The following ZDHHC21 variants were observed in gnomAD, a reference collection of about 807,000 sequenced individuals.
The protein encoded by ZDHHC21 is zDHHC palmitoyltransferase 21.
In ZDHHC21, 15 loss-of-function variants were observed where a neutral mutation model predicts 34.6. The observed-to-expected ratio is 0.43, with a 90% CI of 0.29 to 0.67. The LOEUF is 0.67. Among genes scored for constraint, ZDHHC21 ranks in the 30% least tolerant of loss-of-function variants. ZDHHC21 has a pLI of 0.14. For synonymous variants in ZDHHC21, 142 were observed against 101.8 expected, an observed-to-expected ratio of 1.40 and a Z score of -2.38; for missense variants, 344 against 327.7, an observed-to-expected ratio of 1.05 and a Z score of -0.38.
chr9:14,621,028 T>C (rs2133442358), intron 8 of ZDHHC21, among the ~76,000 whole-genome samples: 1 of 152,148 alleles, frequency 6.6e-6, no homozygotes, highest in Non-Finnish European at 1.5e-5. Context: ...GATTAGGGTC[T>C]TAGAGGAAAT....
the ZDHHC21 span, among the ~76,000 whole-genome samples, chr9:14,597,050 C>G: frequency 6.6e-6 from 1 of 152,168 alleles, no homozygotes; most frequent in Non-Finnish European, 1.5e-5. Flanking sequence ...CAATCTTAGC[C>G]AAGGTAGAGC....
Position 14,622,423 on chromosome 9 carries a change from T to C in ZDHHC21, c.622-2741A>G, listed in dbSNP as rs559492689. Reference sequence around the variant, plus strand: ...TACCTGGAATGGGGGGGCGGGGAAGTTCCTAAGAGAAAAGGAGAAAGAGAT... The same window carrying C: ...TACCTGGAATGGGGGGGCGGGGAAGCTCCTAAGAGAAAAGGAGAAAGAGAT... On this transcript the variant is annotated intron_variant, in intron 8 of 9. Transcript: ENST00000380916. The C allele has an allele frequency of 3.7e-5, 21 of 567,628 alleles. No homozygotes were observed. In the African/African-American group the frequency reaches 4.3e-4, roughly 12 times the overall value. The allele number at this position is 567,628 out of a possible 1,614,324, so 35.2% of individuals were successfully genotyped here. A position where few individuals can be genotyped will look rare whatever the true frequency, so the allele number is the denominator to read the frequency against.
chr9:14,671,980 T>C (rs1453294923), intron 5 of ZDHHC21, among the ~76,000 whole-genome samples: 2 of 152,152 alleles, frequency 1.3e-5, no homozygotes, highest in African/African-American at 4.8e-5. Flanking sequence ...CATTTGACTG[T>C]TTCATCTATA....
At chr9:14,592,367 T>C in the ZDHHC21 span, among the ~76,000 whole-genome samples, 3 of 152,032 alleles carry the variant, frequency 2.0e-5, no homozygotes. Flanking sequence ...TATATATATT[T>C]ATACATATTT....
At chr9:14,686,916 T>C (rs2131674258) in intron 2 of ZDHHC21, among the ~76,000 whole-genome samples, 1 of 148,736 alleles carries the variant, frequency 6.7e-6, no homozygotes, top group Non-Finnish European at 1.5e-5. Context: ...GAGGTTGCAG[T>C]GAGCAGAGAC....
chr9:14,664,323 C>G (rs905764984), intron 5 of ZDHHC21, among the ~76,000 whole-genome samples: 1 of 152,092 alleles, frequency 6.6e-6, no homozygotes, highest in African/African-American at 2.4e-5. Context: ...CGGCGCACCA[C>G]GAGACTATAT....
Position 14,667,533 on chromosome 9 carries a change from C to T in ZDHHC21, c.254-5207G>A, listed in dbSNP as rs1188304410. ...GCATCATTCTGATACCAAAGCCGGGCAGAGACACAACCAAAAAAGAGAATT... is the reference window on the plus strand; with the variant it reads ...GCATCATTCTGATACCAAAGCCGGGTAGAGACACAACCAAAAAAGAGAATT... On this transcript the variant is annotated intron_variant, in intron 5 of 9. Transcript: ENST00000380916. 1.6e-4 allele frequency among the ~76,000 whole-genome samples: 21 copies of T among 133,268 alleles called. No individual in the cohort carries two copies. In the East Asian group the frequency reaches 2.1e-3, roughly 13 times the overall value. The allele number at this position is 133,268 out of a possible 152,430, so 87.4% of individuals were successfully genotyped here.
At chr9:14,665,602 G>C (rs1186951703) in intron 5 of ZDHHC21, among the ~76,000 whole-genome samples, 1 of 146,690 alleles carries the variant, frequency 6.8e-6, no homozygotes, top group Non-Finnish European at 1.5e-5. Context: ...CAGAGAGAAA[G>C]GTCGGGTTAC....
At chr9:14,690,572 T>C (rs1839017068) in intron 1 of ZDHHC21, among the ~76,000 whole-genome samples, 187 bp from the exon 2 acceptor site, 1 of 152,156 alleles carries the variant, frequency 6.6e-6, no homozygotes, top group Non-Finnish European at 1.5e-5. Flanking sequence ...AAGGTTAATC[T>C]ACCCTGAGAG....
Position 14,674,200 on chromosome 9 carries a change from G to T in ZDHHC21, c.141C>A (p.Gly47=). Residue 47 remains glycine (G), a synonymous_variant, in exon 4 of 10, where the codon GGC becomes GGA. Transcript: ENST00000380916. ...FPHYEEGHIP[G]ILIIIFYGIS... ...CAAGAAACTTACTTATTATTAATAT[G>T]CCTGGAATATGTCCTTCTTCATAGT... 1 of 1,514,670 alleles carries T rather than the reference G, an allele frequency of 6.6e-7. No individual in the cohort carries two copies. Among genetic ancestry groups the T allele is most frequent in the South Asian group, 1.4e-5 (1 of 71,354 alleles). 93.8% of individuals were successfully genotyped at this position (1,514,670 alleles called of 1,614,324 possible). A position where few individuals can be genotyped will look rare whatever the true frequency, so the allele number is the denominator to read the frequency against.
the ZDHHC21 span, among the ~76,000 whole-genome samples, chr9:14,590,384 A>C: frequency 6.6e-6 from 1 of 152,284 alleles, no homozygotes; most frequent in East Asian, 1.9e-4. Flanking sequence ...AAGTTTTCCA[A>C]ATCTGATGAA....
intron 7 of ZDHHC21, among the ~76,000 whole-genome samples, chr9:14,658,221 G>A (rs944706332): frequency 6.6e-6 from 1 of 151,980 alleles, no homozygotes; most frequent in Non-Finnish European, 1.5e-5. Context: ...AAGATTCAAC[G>A]TGTTGCTTTC....
Position 14,652,160 on chromosome 9 carries a change from A to T in ZDHHC21, c.504+6589T>A, listed in dbSNP as rs145955414. On this transcript the variant is annotated intron_variant, in intron 7 of 9. Coordinates refer to ENST00000380916, the MANE Select transcript of ZDHHC21 (RefSeq NM_178566.6). The stretch of plus-strand genomic sequence containing the variant: ...TAATTTATCTCCATTTATTTAGAAA[A>T]CAAAACTATTACTCAAGTTTCTGCA... 3.6e-4 allele frequency among the ~76,000 whole-genome samples: 55 copies of T among 152,100 alleles called. 1 individual carries two copies. In the East Asian group the frequency reaches 0.011, roughly 29 times the overall value.
chr9:14,667,215 C>A (rs1171852890), intron 5 of ZDHHC21, among the ~76,000 whole-genome samples: 1 of 147,806 alleles, frequency 6.8e-6, no homozygotes, highest in African/African-American at 2.5e-5. Flanking sequence ...GAGAATACTA[C>A]AAACACCTCT....
chr9:14,656,225 G>A (rs752137965), intron 7 of ZDHHC21, among the ~76,000 whole-genome samples: 5 of 151,832 alleles, frequency 3.3e-5, no homozygotes, highest in Non-Finnish European at 7.4e-5. Flanking sequence ...AATATTTAGA[G>A]CTACATAGAT....
At chr9:14,642,660 C>T (rs972822820) in intron 7 of ZDHHC21, among the ~76,000 whole-genome samples, 5 of 152,086 alleles carry the variant, frequency 3.3e-5, no homozygotes, top group Non-Finnish European at 7.4e-5. Flanking sequence ...GAGGAAAGAC[C>T]ATGTGGGGAC....
chr9:14,638,305 T>A (rs1421200505), intron 8 of ZDHHC21, among the ~76,000 whole-genome samples: 2 of 151,976 alleles, frequency 1.3e-5, no homozygotes, highest in African/African-American at 4.8e-5. Flanking sequence ...TTTGAATACA[T>A]GAGAAGTGCT....
At chr9:14,650,402 T>A (rs1388899939) in intron 7 of ZDHHC21, among the ~76,000 whole-genome samples, 2 of 152,002 alleles carry the variant, frequency 1.3e-5, no homozygotes, top group Non-Finnish European at 2.9e-5. Context: ...CTCTTGGCTA[T>A]TCTTGACTCT....
In ZDHHC21 at chr9:14,611,184, T is replaced by A. The variant is rs147186284; in HGVS notation, c.*7782A>T. ...AATTAAAAACAATCTGCAAAGAAAA[T>A]AGAAATATTACGTGAAAAAAACTAA... On this transcript the variant is annotated 3_prime_UTR_variant, in exon 10 of 10. Coordinates refer to ENST00000380916, the MANE Select transcript of ZDHHC21 (RefSeq NM_178566.6). 5 of 151,698 alleles carry A rather than the reference T, an allele frequency of 3.3e-5. No homozygotes were observed. The highest frequency in any genetic ancestry group is 1.2e-4 in the African/African-American group (5 of 41,330). The allele number at this position is 151,698 out of a possible 1,614,324, so 9.4% of individuals were successfully genotyped here.
Sources: gnomAD v4.1 joint callset for allele counts (sites outside exome capture counted in the v4.1 genomes callset) on GRCh38, gnomAD v4.1.1 for gene constraint, MANE v1.5 for transcripts, NCBI Gene and HGNC (gene_info 2026-07-23, HGNC 2026-07-21) for gene names.